The following VWF variants were observed in gnomAD, a reference collection of about 807,000 sequenced individuals.
VWF encodes the protein Factor VIII related antigen.
VWF carries 176 observed loss-of-function variants against 308.6 expected under a neutral mutation model. That is an observed-to-expected ratio of 0.57 (90% CI 0.50 to 0.65). The LOEUF is 0.65. Among genes scored for constraint, VWF ranks in the 30% least tolerant of loss-of-function variants. The probability of loss-of-function intolerance (pLI) is 0.00; values close to 1 mark genes in which losing one functional copy is unlikely to be tolerated. For synonymous variants in VWF, 1,385 were observed against 1,443.4 expected (o/e 0.96, Z 0.92); for missense variants, 3,146 against 3,648.2 (o/e 0.86, Z 3.55).
intron 14 of VWF, among the ~76,000 whole-genome samples, chr12:6,057,552 G>T (rs58482001): frequency 0.081 from 11,692 of 144,312 alleles, 568 homozygotes; most frequent in African/African-American, 0.12. Context: ...GGCTCCCTAC[G>T]TTGCCCAGAC....
At chr12:6,083,453 T>A (rs1020068689) in intron 6 of VWF, among the ~76,000 whole-genome samples, 1 of 152,152 alleles carries the variant, frequency 6.6e-6, no homozygotes, top group Admixed American at 6.5e-5. Flanking sequence ...TAGTCTCAGC[T>A]ACTAGAGAGG....
chr12:6,092,632 T>TGAGAGAGAGAGAGAGAGAGAGAGA (rs1430723950), intron 6 of VWF, among the ~76,000 whole-genome samples: 1 of 66,014 alleles, frequency 1.5e-5, no homozygotes, highest in African/African-American at 1.1e-4. Flanking sequence ...TGTGTGTGTG[T>TGAGAGAGAGAGAGAGAGAGAGAGA]GTGTGTGTGT....
intron 6 of VWF, among the ~76,000 whole-genome samples, chr12:6,092,291 TC>T (rs1318182874): frequency 6.6e-6 from 1 of 151,764 alleles, no homozygotes; most frequent in Non-Finnish European, 1.5e-5. Flanking sequence ...AGACTTTCTT[TC>T]CTAAGAGTTA....
intron 6 of VWF, among the ~76,000 whole-genome samples, chr12:6,092,616 AGAGT>A (rs1555073711): frequency 0.035 from 3,392 of 96,610 alleles, 179 homozygotes; most frequent in East Asian, 0.05. Context: ...TGAGTGAGTG[AGAGT>A]GTGTGTGTGT....
In VWF at chr12:6,058,609, C is replaced by G. The variant is rs948834665; in HGVS notation, c.1534-565G>C. On this transcript the variant is annotated intron_variant, in intron 13 of 51. Coordinates refer to ENST00000261405, the MANE Select transcript of VWF (RefSeq NM_000552.5). This position sits in a 1 kb window ranked among gnomAD's most constrained non-coding sequence, Gnocchi z 4.9. ...GAAACACCTCCCCACAACCTGCTGC[C>G]TGCCACTCAGGCCCTGGGCATCACT... 1.3e-5 allele frequency among the ~76,000 whole-genome samples: 2 copies of G among 152,214 alleles called. No homozygotes were observed. Among genetic ancestry groups the G allele is most frequent in the African/African-American group, 4.8e-5 (2 of 41,458 alleles).
In VWF at chr12:5,977,153, T is replaced by C. The variant is rs11063967; in HGVS notation, c.7288-893A>G. Among the ~76,000 whole-genome samples the C allele has an allele frequency of 8.6e-3, 1,306 of 152,350 alleles. 20 individuals are homozygous for C. The highest frequency in any genetic ancestry group is 0.028 in the African/African-American group (1,183 of 41,574). On this transcript the variant is annotated intron_variant, in intron 42 of 51. Transcript: ENST00000261405. ...GCCTGCAGGAAAATGTTACCATCCC[T>C]ATGGAGAAGAATTGTTTAGCAATAC...
At chr12:6,085,785 G>A (rs1944962287) in intron 6 of VWF, among the ~76,000 whole-genome samples, 1 of 152,062 alleles carries the variant, frequency 6.6e-6, no homozygotes, top group Non-Finnish European at 1.5e-5. Flanking sequence ...ATGCATGTGG[G>A]GCTTAAAACC....
chr12:5,964,039 C>G (rs556057946), intron 47 of VWF, among the ~76,000 whole-genome samples: 2 of 151,994 alleles, frequency 1.3e-5, no homozygotes, highest in Non-Finnish European at 2.9e-5. Flanking sequence ...AACCCCGTCT[C>G]TACTAAAAAT....
At chr12:6,004,083 A>T (rs1943902437) in intron 34 of VWF, among the ~76,000 whole-genome samples, 1 of 152,206 alleles carries the variant, frequency 6.6e-6, no homozygotes, top group Non-Finnish European at 1.5e-5. Flanking sequence ...ATATATACTT[A>T]AAAATAGTTA....
intron 38 of VWF, among the ~76,000 whole-genome samples, chr12:5,990,162 T>G (rs1943721459): frequency 6.6e-6 from 1 of 152,196 alleles, no homozygotes; most frequent in Non-Finnish European, 1.5e-5. Context: ...GAGATCACTA[T>G]AAGTGACTAT....
intron 39 of VWF, 132 bp downstream of exon 39, chr12:5,985,431 A>G (rs1943668498): frequency 3.9e-6 from 4 of 1,033,380 alleles, no homozygotes; most frequent in Admixed American, 4.1e-5. Flanking sequence ...CTGGGCAAGG[A>G]AGCCCACCCA....
intron 42 of VWF, among the ~76,000 whole-genome samples, chr12:5,978,047 GAAAT>G (rs1395303715): frequency 6.7e-6 from 1 of 149,026 alleles, no homozygotes; most frequent in East Asian, 1.9e-4. Flanking sequence ...AAATTTAAAA[GAAAT>G]AAAAAGCAAT....
intron 6 of VWF, among the ~76,000 whole-genome samples, chr12:6,079,989 C>A (rs1944890093): frequency 6.6e-6 from 1 of 152,144 alleles, no homozygotes; most frequent in Admixed American, 6.5e-5. Flanking sequence ...GAAATCTGCC[C>A]TCTACCCATC....
chr12:6,075,687 GT>G lies in VWF; in HGVS notation c.658-137del, dbSNP rs1390659199. 1 of 895,324 alleles carries G rather than the reference GT, an allele frequency of 1.1e-6. No individual in the cohort carries two copies. The highest frequency in any genetic ancestry group is 1.6e-5 in the African/African-American group (1 of 60,616). 55.5% of individuals were successfully genotyped at this position (895,324 alleles called of 1,614,324 possible). A position where few individuals can be genotyped will look rare whatever the true frequency, so the allele number is the denominator to read the frequency against. Reference sequence around the variant, plus strand: ...ACAGGCTGGCACCAAGCACATGCATGTGTTCAATGCACCAGCCCATCGACCA... The same window carrying G: ...ACAGGCTGGCACCAAGCACATGCATGGTTCAATGCACCAGCCCATCGACCA... On this transcript the variant is annotated intron_variant, in intron 6 of 51. Transcript: ENST00000261405. This position sits in a 1 kb window ranked among gnomAD's most constrained non-coding sequence, Gnocchi z 4.7.
In VWF at chr12:6,046,810, C is replaced by T. The variant is rs770089534; in HGVS notation, c.2194G>A (p.Glu732Lys). Residue 732 changes from glutamate (E) to lysine (K), a missense_variant, in exon 17 of 52, where the codon GAG becomes AAG. Glu to Lys is a moderately conservative substitution (Grantham distance 56). Around this residue, in one of 3 missense-constraint regions of VWF, gnomAD observed 1,304 missense variants for 1,353.0 expected, o/e 0.96. Transcript: ENST00000261405. The surrounding 1 kb of genome is among the most constrained non-coding windows in gnomAD (Gnocchi z 5.0). ...ATGGTACAGTGCATGAAGCCATCCT[C>T]ACAGTAGCTGCAGAGAAGAAAATCA... The part of the protein sequence containing the change: ...FSDHHTMCYC[E>K]DGFMHCTMSG... 1 of 1,614,060 alleles carries T rather than the reference C, an allele frequency of 6.2e-7. No homozygotes were observed. Among genetic ancestry groups the T allele is most frequent in the Non-Finnish European group, 8.5e-7 (1 of 1,180,020 alleles).
chr12:6,073,615 T>C lies in VWF; in HGVS notation c.997+4A>G. 6.2e-7 allele frequency: 1 copy of C among 1,614,010 alleles called. No individual in the cohort carries two copies. Among genetic ancestry groups the C allele is most frequent in the East Asian group, 2.2e-5 (1 of 44,882 alleles). ...ATCTGTAAATAAAGTGGGAAGTTCA[T>C]TACCAGGGCAGCTGCAGCCATCCAC... On this transcript the variant is annotated splice_donor_region_variant and intron_variant, in intron 8 of 51. Transcript: ENST00000261405.
chr12:6,110,508 G>A lies in VWF; in HGVS notation c.398C>T (p.Ala133Val). The change falls in exon 5 of 52, where the codon GCC becomes GTC. Residue 133 changes from alanine (A) to valine (V), a missense_variant. By Grantham distance (64) the Ala-to-Val change is moderately conservative. Coordinates refer to ENST00000261405, the MANE Select transcript of VWF (RefSeq NM_000552.5). Reference sequence around the variant, plus strand: ...ATCGATCCTGGCCACAAAGCCATAGGCCTCACCGGACAGCTTGTAGTACCC... The same window carrying A: ...ATCGATCCTGGCCACAAAGCCATAGACCTCACCGGACAGCTTGTAGTACCC... ...EAGYYKLSGE[A>V]YGFVARIDGS... 1 of 1,614,134 alleles carries A rather than the reference G, an allele frequency of 6.2e-7. No individual in the cohort carries two copies. The highest frequency in any genetic ancestry group is 8.5e-7 in the Non-Finnish European group (1 of 1,180,028).
intron 3 of VWF, among the ~76,000 whole-genome samples, chr12:6,115,420 C>T (rs573980682): frequency 2.6e-5 from 4 of 152,236 alleles, no homozygotes; most frequent in Admixed American, 1.3e-4. Context: ...TCTAAATAAG[C>T]GGCTCTTAAA....
In VWF at chr12:6,058,556, C is replaced by A. The variant is rs189932888; in HGVS notation, c.1534-512G>T. The stretch of plus-strand genomic sequence containing the variant: ...AGCAGGCTGCCAGGTGTGGTCCAAG[C>A]CCTCCGGGAGCTCACGGTTAATGAC... On this transcript the variant is annotated intron_variant, in intron 13 of 51. Coordinates refer to ENST00000261405, the MANE Select transcript of VWF (RefSeq NM_000552.5). The surrounding 1 kb of genome is among the most constrained non-coding windows in gnomAD (Gnocchi z 4.9). Among the ~76,000 whole-genome samples the A allele has an allele frequency of 2.6e-5, 4 of 152,276 alleles. No homozygotes were observed. In the East Asian group the frequency reaches 7.7e-4, roughly 29 times the overall value.
Sources: gnomAD v4.1 joint callset for allele counts (sites outside exome capture counted in the v4.1 genomes callset) on GRCh38, gnomAD v4.1.1 for gene constraint, gnomAD v4.1.1 regional missense constraint, Gnocchi (gnomAD v3.1) non-coding constraint, MANE v1.5 for transcripts, NCBI Gene and HGNC (gene_info 2026-07-23, HGNC 2026-07-21) for gene names.